Variants in NPAS3 observed in about 807,000 individuals in gnomAD.
The protein encoded by NPAS3 is neuronal PAS domain protein 3.
NPAS3 carries 14 observed loss-of-function variants against 73.1 expected under a neutral mutation model. The observed-to-expected ratio is 0.19, with a 90% CI of 0.13 to 0.30. NPAS3 has a LOEUF of 0.30. NPAS3 is among the 10% of genes least tolerant of loss of function. The pLI is 1.00. For missense variants in NPAS3, 1,096 were observed against 1,250.0 expected (o/e 0.88, Z 1.86); for synonymous variants, 620 against 541.5 (o/e 1.14, Z -2.01).
chr14:33,555,467 C>A (rs117581234), intron 4 of NPAS3, among the ~76,000 whole-genome samples: 1 of 152,202 alleles, frequency 6.6e-6, no homozygotes, highest in Non-Finnish European at 1.5e-5. Flanking sequence ...TAAAAAGTAG[C>A]CTGCAGTGAT....
At chr14:33,663,239 C>T (rs1354861453) in intron 5 of NPAS3, among the ~76,000 whole-genome samples, 2 of 152,096 alleles carry the variant, frequency 1.3e-5, no homozygotes, top group African/African-American at 4.8e-5. Context: ...TTTTGAGATA[C>T]ATTCCATCAA....
At chr14:33,041,048 T>TC (rs1399758001) in intron 1 of NPAS3, among the ~76,000 whole-genome samples, 1 of 152,188 alleles carries the variant, frequency 6.6e-6, no homozygotes, top group East Asian at 1.9e-4. Context: ...GTCTACTGAC[T>TC]GCTGGTCCAG....
intron 3 of NPAS3, among the ~76,000 whole-genome samples, chr14:33,265,416 C>T (rs1211295381): frequency 6.6e-6 from 1 of 152,148 alleles, no homozygotes; most frequent in Non-Finnish European, 1.5e-5. Flanking sequence ...TATTTTTTCT[C>T]CCTATGGATT....
chr14:33,520,704 T>G (rs1412603415), intron 4 of NPAS3, among the ~76,000 whole-genome samples: 1 of 152,134 alleles, frequency 6.6e-6, no homozygotes, highest in Non-Finnish European at 1.5e-5. Flanking sequence ...CCCAGTAATC[T>G]CTAATAATTT....
At chr14:33,080,149 C>A (rs1475106485) in intron 2 of NPAS3, among the ~76,000 whole-genome samples, 2 of 151,116 alleles carry the variant, frequency 1.3e-5, no homozygotes, top group Non-Finnish European at 3.0e-5. Context: ...CTCTTATCAC[C>A]CAGGCTGGAG....
intron 9 of NPAS3, among the ~76,000 whole-genome samples, chr14:33,783,244 G>A (rs971594049): frequency 1.3e-5 from 2 of 152,184 alleles, no homozygotes; most frequent in African/African-American, 4.8e-5. Context: ...AAGAGAAAAG[G>A]TGGAAAGTTT....
At chr14:33,395,219 T>G (rs1489394904) in intron 4 of NPAS3, among the ~76,000 whole-genome samples, 1 of 152,112 alleles carries the variant, frequency 6.6e-6, no homozygotes, top group Admixed American at 6.6e-5. Flanking sequence ...TGTTTTGCAT[T>G]TCGTAATCAG....
intron 1 of NPAS3, among the ~76,000 whole-genome samples, chr14:33,036,518 G>A (rs575333176): frequency 1.5e-4 from 23 of 152,114 alleles, no homozygotes; most frequent in African/African-American, 5.3e-4. Flanking sequence ...CAAAATTCCT[G>A]GACTCCATAA....
intron 3 of NPAS3, among the ~76,000 whole-genome samples, chr14:33,292,649 G>T (rs2042147270): frequency 6.6e-6 from 1 of 151,976 alleles, no homozygotes; most frequent in South Asian, 2.1e-4. Flanking sequence ...GAGACTTCCT[G>T]CAAAGACGAC....
intron 5 of NPAS3, among the ~76,000 whole-genome samples, chr14:33,562,006 G>T (rs931638116): frequency 6.6e-6 from 1 of 152,076 alleles, no homozygotes; most frequent in Non-Finnish European, 1.5e-5. Context: ...CATTATTCTG[G>T]CCAAAAGAAT....
chr14:33,198,603 G>C (rs571191273), intron 2 of NPAS3, among the ~76,000 whole-genome samples: 26 of 152,330 alleles, frequency 1.7e-4, no homozygotes, highest in African/African-American at 5.8e-4. Context: ...GTGCTGATTG[G>C]TGTATTTATA....
intron 5 of NPAS3, among the ~76,000 whole-genome samples, chr14:33,579,236 C>G (rs73270964): frequency 0.093 from 14,131 of 152,228 alleles, 681 homozygotes; most frequent in Middle Eastern, 0.17. Context: ...TAGGGTATGT[C>G]TCAAATATAA....
At chr14:33,778,703 G>A in intron 9 of NPAS3, 131 bp downstream of exon 9, 1 of 634,320 alleles carries the variant, frequency 1.6e-6, no homozygotes. Flanking sequence ...TGTGCAGTGA[G>A]AAAAAGTGAG....
At chr14:33,428,621 A>G (rs763504272) in intron 4 of NPAS3, among the ~76,000 whole-genome samples, 2 of 152,154 alleles carry the variant, frequency 1.3e-5, no homozygotes, top group Non-Finnish European at 2.9e-5. Flanking sequence ...AAAATGATCC[A>G]TTCACACTTT....
intron 3 of NPAS3, among the ~76,000 whole-genome samples, chr14:33,247,542 G>A (rs969835329): frequency 5.3e-5 from 8 of 152,150 alleles, no homozygotes; most frequent in African/African-American, 1.2e-4. Flanking sequence ...CAAGGACAGC[G>A]GGGCATTGTG....
chr14:33,442,786 A>G (rs960760328), intron 4 of NPAS3, among the ~76,000 whole-genome samples: 1 of 152,240 alleles, frequency 6.6e-6, no homozygotes, highest in Non-Finnish European at 1.5e-5. Context: ...TATTAGCAGC[A>G]TGAGAACAAA....
chr14:33,366,796 G>A (rs1488229988), intron 3 of NPAS3, among the ~76,000 whole-genome samples: 2 of 151,982 alleles, frequency 1.3e-5, no homozygotes, highest in African/African-American at 4.8e-5. Flanking sequence ...TTTCTCTGGG[G>A]CGGGGTTGAG....
At chr14:33,563,256 G>C (rs2055741113) in intron 5 of NPAS3, among the ~76,000 whole-genome samples, 2 of 152,052 alleles carry the variant, frequency 1.3e-5, no homozygotes, top group African/African-American at 4.8e-5. Context: ...GATAGAATTA[G>C]GATTCTTTTT....
chr14:33,671,371 A>G (rs2059605984), intron 5 of NPAS3, among the ~76,000 whole-genome samples: 1 of 152,190 alleles, frequency 6.6e-6, no homozygotes, highest in Admixed American at 6.5e-5. Flanking sequence ...ACTGTACAAT[A>G]TATTTACATT....
Sources: gnomAD v4.1 joint callset for allele counts (sites outside exome capture counted in the v4.1 genomes callset) on GRCh38, gnomAD v4.1.1 for gene constraint, MANE v1.5 for transcripts, NCBI Gene and HGNC (gene_info 2026-07-23, HGNC 2026-07-21) for gene names.